Variants in ZNF445 observed in about 807,000 individuals in gnomAD.
ZNF445 encodes zinc finger protein 445, also known as zinc finger protein 168.
ZNF445 carries 19 observed loss-of-function variants against 93.9 expected under a neutral mutation model. The observed-to-expected ratio is 0.20, with a 90% CI of 0.14 to 0.30. The LOEUF is 0.30. Ranked by LOEUF, ZNF445 falls within the 10% of genes least tolerant of loss-of-function variation. The probability of loss-of-function intolerance (pLI) is 1.00; values close to 1 mark genes in which losing one functional copy is unlikely to be tolerated. For missense variants in ZNF445, 1,058 were observed against 1,259.4 expected (o/e 0.84, Z 2.42); for synonymous variants, 449 against 446.3 (o/e 1.01, Z -0.08).
rs1343550143 is a variant in ZNF445 at position 44,437,106 on chromosome 3, G to C, written c.*9469C>G. 2 of 152,170 alleles carry C rather than the reference G, an allele frequency of 1.3e-5. No homozygotes were observed. Among genetic ancestry groups the C allele is most frequent in the East Asian group, 1.9e-4 (1 of 5,188 alleles). 9.4% of individuals were successfully genotyped at this position (152,170 alleles called of 1,614,324 possible). A position where few individuals can be genotyped will look rare whatever the true frequency, so the allele number is the denominator to read the frequency against. On this transcript the variant is annotated 3_prime_UTR_variant, in exon 8 of 8. Transcript: ENST00000396077. ...GGTTTCTTGATGATATGCTAAACAA[G>C]GGGTGGATTATTCATGCCTCCCCTC...
intron 1 of ZNF445, among the ~76,000 whole-genome samples, chr3:44,477,385 C>T (rs1011467472): frequency 6.6e-6 from 1 of 152,226 alleles, no homozygotes; most frequent in East Asian, 1.9e-4. Context: ...AGATTCTCTA[C>T]CCCGGACGCC....
rs1697779898 is a variant in ZNF445, at chr3:44,440,026, T to G, written c.*6549A>C. Reference sequence around the variant, plus strand: ...ACTGAGGGGGAGAGCTTGAATGCTATTAGCAGACAAACGTCAAACATGGGG... The same window carrying G: ...ACTGAGGGGGAGAGCTTGAATGCTAGTAGCAGACAAACGTCAAACATGGGG... On this transcript the variant is annotated 3_prime_UTR_variant, in exon 8 of 8. Coordinates refer to ENST00000396077, the MANE Select transcript of ZNF445 (RefSeq NM_181489.6). 6.6e-6 allele frequency: 1 copy of G among 152,240 alleles called. No homozygotes were observed. Among genetic ancestry groups the G allele is most frequent in the Non-Finnish European group, 1.5e-5 (1 of 68,048 alleles). The allele number at this position is 152,240 out of a possible 1,614,324, so 9.4% of individuals were successfully genotyped here. A position where few individuals can be genotyped will look rare whatever the true frequency, so the allele number is the denominator to read the frequency against.
At position 44,433,246 on chromosome 3, in the gene ZNF445, TG is replaced by T. The variant is rs1382320311; in HGVS notation, c.*13328del. On this transcript the variant is annotated 3_prime_UTR_variant, in exon 8 of 8. Transcript: ENST00000396077. ...CTCCTGTCTCAGCCTCCCCAGTAGC[TG>T]GGATTTACAGGTGCCCGCTACCACG... 1 of 152,012 alleles carries T rather than the reference TG, an allele frequency of 6.6e-6. No individual in the cohort carries two copies. The highest frequency in any genetic ancestry group is 2.4e-5 in the African/African-American group (1 of 41,354). 9.4% of individuals were successfully genotyped at this position (152,012 alleles called of 1,614,324 possible).
In ZNF445 at chr3:44,460,925, C is replaced by T. The variant is rs145693356; in HGVS notation, c.-268-2561G>A. 1.5e-3 allele frequency among the ~76,000 whole-genome samples: 226 copies of T among 152,322 alleles called. 6 individuals are homozygous for T. Among genetic ancestry groups the T allele is most frequent in the Admixed American group, 0.015 (225 of 15,300 alleles). ...AGTGGCCCCCCTCCAGCGATGGATC[C>T]AGAAGCCAGCCCAAGCAGCCACCTA... On this transcript the variant is annotated intron_variant, in intron 1 of 7. Coordinates refer to ENST00000396077, the MANE Select transcript of ZNF445 (RefSeq NM_181489.6).
chr3:44,451,428 G>A lies in ZNF445; in HGVS notation c.484C>T (p.Arg162Ter). ...GCAAGGGACCATATCTGTGCAGATC[G>A]CAGGGCTCCTGTACCCATCCAATGC... ...DVHWMGTGAL[R>*]SAQIWSLASP... is the part of the protein sequence containing the mutation. Residue 162 changes from arginine to a stop codon, truncating the protein, a stop_gained, in exon 4 of 8, where the codon CGA (arginine) becomes TGA (stop). Coordinates refer to ENST00000396077, the MANE Select transcript of ZNF445 (RefSeq NM_181489.6). LOFTEE classifies it high-confidence loss of function. The A allele has an allele frequency of 1.2e-6, 2 of 1,613,700 alleles. No individual in the cohort carries two copies. The highest frequency in any genetic ancestry group is 1.7e-6 in the Non-Finnish European group (2 of 1,179,802).
intron 1 of ZNF445, among the ~76,000 whole-genome samples, chr3:44,469,949 CT>C (rs1698243923): frequency 6.6e-6 from 1 of 152,068 alleles, no homozygotes; most frequent in East Asian, 1.9e-4. Context: ...CGAGGCCACT[CT>C]TTTTTCTCAC....
chr3:44,466,762 C>T (rs1390814304), intron 1 of ZNF445, among the ~76,000 whole-genome samples: 2 of 152,160 alleles, frequency 1.3e-5, no homozygotes, highest in East Asian at 3.9e-4. Flanking sequence ...AGAATAAACA[C>T]TTTCAAATAG....
At chr3:44,454,955 C>T (rs1374341147) in intron 3 of ZNF445, 166 bp downstream of exon 3, 6 of 755,818 alleles carry the variant, frequency 7.9e-6, no homozygotes, top group Non-Finnish European at 1.3e-5. Flanking sequence ...CTAAAGGGTC[C>T]GTGGCTCAGG....
At chr3:44,451,072 T>C in intron 4 of ZNF445, 110 bp from the exon 5 acceptor site, 1 of 1,044,554 alleles carries the variant, frequency 9.6e-7, no homozygotes. Context: ...GTACATAATG[T>C]TGTTAAATAC....
At chr3:44,457,683 C>T (rs1698050373) in intron 2 of ZNF445, among the ~76,000 whole-genome samples, 1 of 152,168 alleles carries the variant, frequency 6.6e-6, no homozygotes, top group South Asian at 2.1e-4. Flanking sequence ...ACCAAAACCT[C>T]ACCTCTTGTA....
Position 44,447,775 on chromosome 3 carries a change from T to C in ZNF445, c.1896A>G (p.Lys632=). Residue 632 remains lysine (K), a synonymous_variant, in exon 8 of 8, where the codon AAA becomes AAG. Transcript: ENST00000396077. The surrounding 1 kb of genome is among the most constrained non-coding windows in gnomAD (Gnocchi z 4.7). ...EKPYKCTKCR[K]TFRWRSNFTR... ...TAAAGTTTGATCTCCATCTAAAGGT[T>C]TTCCTACATTTGGTACATTTATAGG... The C allele has an allele frequency of 6.2e-7, 1 of 1,614,090 alleles. No homozygotes were observed. Among genetic ancestry groups the C allele is most frequent in the Non-Finnish European group, 8.5e-7 (1 of 1,180,028 alleles).
At chr3:44,450,764 G>T in intron 5 of ZNF445, 104 bp downstream of exon 5, 1 of 1,285,716 alleles carries the variant, frequency 7.8e-7, no homozygotes, top group Non-Finnish European at 1.1e-6. Context: ...CGGGTCTTTG[G>T]ATGTGAGATT....
rs1299905803 is a variant in ZNF445 at position 44,435,351 on chromosome 3, C to G, written c.*11224G>C. The G allele has an allele frequency of 3.9e-5, 6 of 152,212 alleles. No homozygotes were observed. Among genetic ancestry groups the G allele is most frequent in the Non-Finnish European group, 8.8e-5 (6 of 68,038 alleles). The allele number at this position is 152,212 out of a possible 1,614,324, so 9.4% of individuals were successfully genotyped here. Reference sequence around the variant, plus strand: ...ATTTACTGTGTGAGAACAGAACAAACCTGGGCCTGGCTCAGTAACAACTGC... The same window carrying G: ...ATTTACTGTGTGAGAACAGAACAAAGCTGGGCCTGGCTCAGTAACAACTGC... On this transcript the variant is annotated 3_prime_UTR_variant, in exon 8 of 8. Transcript: ENST00000396077.
chr3:44,464,880 C>G (rs910921772), intron 1 of ZNF445, among the ~76,000 whole-genome samples: 1 of 152,048 alleles, frequency 6.6e-6, no homozygotes, highest in African/African-American at 2.4e-5. Context: ...TCCAGACCAG[C>G]CTGGCCAGCA....
rs961984937 is a variant in ZNF445, at chr3:44,439,844, G to A, written c.*6731C>T. The A allele has an allele frequency of 1.4e-4, 22 of 152,236 alleles. No individual in the cohort carries two copies. The highest frequency in any genetic ancestry group is 1.4e-3 in the Admixed American group (22 of 15,274). 9.4% of individuals were successfully genotyped at this position (152,236 alleles called of 1,614,324 possible). ...AAGCGGGCACCCACGCCAGTCTGTT[G>A]GGCTTCAGTGAAAGGACGAACAAGT... On this transcript the variant is annotated 3_prime_UTR_variant, in exon 8 of 8. Transcript: ENST00000396077.
intron 1 of ZNF445, among the ~76,000 whole-genome samples, chr3:44,465,643 T>G (rs1436526601): frequency 4.6e-5 from 7 of 152,212 alleles, no homozygotes. Flanking sequence ...CTGGGAGTGG[T>G]GGCTCACACC....
At position 44,446,400 on chromosome 3, in the gene ZNF445, T is replaced by C. The variant is rs1697877892; in HGVS notation, c.*175A>G. Reference sequence around the variant, plus strand: ...GGTGCTGCACTTCCCCAGCGTCACATCCTAGCAGGCAGGCTGGGGACTCCC... The same window carrying C: ...GGTGCTGCACTTCCCCAGCGTCACACCCTAGCAGGCAGGCTGGGGACTCCC... On this transcript the variant is annotated 3_prime_UTR_variant, in exon 8 of 8. Transcript: ENST00000396077. The surrounding 1 kb of genome is among the most constrained non-coding windows in gnomAD (Gnocchi z 4.2). The C allele has an allele frequency of 2.3e-6, 2 of 876,906 alleles. No individual in the cohort carries two copies. Among genetic ancestry groups the C allele is most frequent in the Non-Finnish European group, 3.4e-6 (2 of 586,704 alleles). The allele number at this position is 876,906 out of a possible 1,614,324, so 54.3% of individuals were successfully genotyped here. A position where few individuals can be genotyped will look rare whatever the true frequency, so the allele number is the denominator to read the frequency against.
rs1697622473 is a variant in ZNF445 at position 44,434,104 on chromosome 3, G to A, written c.*12471C>T. The A allele has an allele frequency of 6.6e-6, 1 of 152,008 alleles. No individual in the cohort carries two copies. The highest frequency in any genetic ancestry group is 6.6e-5 in the Admixed American group (1 of 15,244). The allele number at this position is 152,008 out of a possible 1,614,324, so 9.4% of individuals were successfully genotyped here. On this transcript the variant is annotated 3_prime_UTR_variant, in exon 8 of 8. Coordinates refer to ENST00000396077, the MANE Select transcript of ZNF445 (RefSeq NM_181489.6). ...CGTGTCCCTTTTAAACATATAGAAT[G>A]TAACTATTGGAAAGAGAGAGAAAAA...
chr3:44,446,502 A>C lies in ZNF445; in HGVS notation c.*73T>G. The C allele has an allele frequency of 1.3e-6, 2 of 1,586,854 alleles. No homozygotes were observed. The highest frequency in any genetic ancestry group is 1.7e-6 in the Non-Finnish European group (2 of 1,170,314). On this transcript the variant is annotated 3_prime_UTR_variant, in exon 8 of 8. Transcript: ENST00000396077. This position sits in a 1 kb window ranked among gnomAD's most constrained non-coding sequence, Gnocchi z 4.2. Reference sequence around the variant, plus strand: ...CTGGGCCCTTTATCAAAGTTACTCCACAATGCCTATAATTAAGGGTTCTCT... The same window carrying C: ...CTGGGCCCTTTATCAAAGTTACTCCCCAATGCCTATAATTAAGGGTTCTCT...
Sources: gnomAD v4.1 joint callset for allele counts (sites outside exome capture counted in the v4.1 genomes callset) on GRCh38, gnomAD v4.1.1 for gene constraint, Gnocchi (gnomAD v3.1) non-coding constraint, MANE v1.5 for transcripts, NCBI Gene and HGNC (gene_info 2026-07-23, HGNC 2026-07-21) for gene names.